The following MTA3 variants were observed in gnomAD, a reference collection of about 807,000 sequenced individuals.
MTA3 encodes metastasis associated 1 family member 3, also known as metastasis-associated protein MTA3.
A neutral mutation model predicts 83.5 loss-of-function variants in MTA3; 34 were observed. The observed-to-expected ratio is 0.41, with a 90% CI of 0.31 to 0.54. The LOEUF (loss-of-function observed/expected upper bound fraction) is 0.54. MTA3 is among the 20% of genes least tolerant of loss of function. MTA3 has a pLI of 0.33. For synonymous variants in MTA3, 303 were observed against 252.7 expected, an observed-to-expected ratio of 1.20 and a Z score of -1.89; for missense variants, 761 against 726.4, an observed-to-expected ratio of 1.05 and a Z score of -0.55.
chr2:42,549,556 TATATAC>T (rs1373204747), intron 2 of MTA3, among the ~76,000 whole-genome samples: 10 of 114,228 alleles, frequency 8.8e-5, no homozygotes, highest in African/African-American at 3.0e-4. Flanking sequence ...TAATATATAT[TATATAC>T]ATATACATAT....
intron 4 of MTA3, among the ~76,000 whole-genome samples, chr2:42,624,280 C>T (rs938169459): frequency 6.6e-6 from 1 of 151,596 alleles, no homozygotes; most frequent in Non-Finnish European, 1.5e-5. Context: ...TATTAATTTT[C>T]ATTTTGTATC....
chr2:42,733,412 C>T (rs1326453622), intron 16 of MTA3, among the ~76,000 whole-genome samples: 1 of 152,176 alleles, frequency 6.6e-6, no homozygotes, highest in Non-Finnish European at 1.5e-5. Flanking sequence ...CTCTGGGTCC[C>T]TACCACAACA....
At chr2:42,496,960 C>G (rs1380034710) in intron 2 of MTA3, among the ~76,000 whole-genome samples, 1 of 152,188 alleles carries the variant, frequency 6.6e-6, no homozygotes, top group Non-Finnish European at 1.5e-5. Flanking sequence ...AATCTCAGCA[C>G]TTTGGAAGGC....
rs192769281 is a variant in MTA3 at position 42,586,923 on chromosome 2, T to G, written c.190+7723T>G. Among the ~76,000 whole-genome samples, 18 of 152,276 alleles carry G rather than the reference T, an allele frequency of 1.2e-4. No homozygotes were observed. In the East Asian group the frequency reaches 3.5e-3, roughly 29 times the overall value. ...CTATAGTCCCAGCTACTCAGGAGGC[T>G]GAGGCAAGAGAATCGCTTGAACCCG... On this transcript the variant is annotated intron_variant, in intron 3 of 16. Coordinates refer to ENST00000405094, the MANE Select transcript of MTA3 (RefSeq NM_001330442.2).
At chr2:42,570,745 TCA>T (rs1678381106) in intron 2 of MTA3, among the ~76,000 whole-genome samples, 1 of 151,952 alleles carries the variant, frequency 6.6e-6, no homozygotes, top group Non-Finnish European at 1.5e-5. Flanking sequence ...GTGCGGTGGC[TCA>T]TGCCTGTAAT....
intron 2 of MTA3, among the ~76,000 whole-genome samples, chr2:42,576,520 C>T (rs1345592048): frequency 1.3e-5 from 2 of 152,162 alleles, no homozygotes; most frequent in African/African-American, 2.4e-5. Flanking sequence ...GTCCCAGCTG[C>T]TCGAGAGGCT....
In MTA3 at chr2:42,552,995, G is replaced by A. The variant is rs141375284; in HGVS notation, c.-140-17442G>A. Among the ~76,000 whole-genome samples the A allele has an allele frequency of 3.7e-3, 568 of 151,842 alleles. 4 individuals carry two copies. Among genetic ancestry groups the A allele is most frequent in the Non-Finnish European group, 4.2e-3 (283 of 67,948 alleles). On this transcript the variant is annotated intron_variant, in intron 2 of 17. Coordinates refer to the MTA3 transcript ENST00000405592. ...AAAATCAAAGAAAGTTCTACTCCGA[G>A]GCTGAGTATGATGGCTCACACCTAT...
chr2:42,728,159 T>A (rs542377898), intron 16 of MTA3, among the ~76,000 whole-genome samples: 114 of 152,338 alleles, frequency 7.5e-4, no homozygotes, highest in South Asian at 4.1e-4. Context: ...TCAATTTTTT[T>A]AAATTTTTAG....
At chr2:42,523,019 A>C (rs898859056) in intron 2 of MTA3, among the ~76,000 whole-genome samples, 1 of 151,714 alleles carries the variant, frequency 6.6e-6, no homozygotes, top group African/African-American at 2.4e-5. Flanking sequence ...TGTGTTGCCC[A>C]GTTTGGTCTT....
chr2:42,609,087 A>C (rs1683862951), intron 3 of MTA3, among the ~76,000 whole-genome samples: 1 of 149,002 alleles, frequency 6.7e-6, no homozygotes, highest in African/African-American at 2.5e-5. Flanking sequence ...GCTGGTGTGA[A>C]GTGTACGATC....
intron 4 of MTA3, among the ~76,000 whole-genome samples, chr2:42,616,212 C>T (rs1684866535): frequency 6.6e-6 from 1 of 152,094 alleles, no homozygotes; most frequent in South Asian, 2.1e-4. Context: ...AGGCATGTGC[C>T]ACCACGCCTG....
intron 9 of MTA3, among the ~76,000 whole-genome samples, chr2:42,683,187 C>G (rs1280127728): frequency 1.3e-5 from 2 of 152,216 alleles, no homozygotes; most frequent in African/African-American, 2.4e-5. Flanking sequence ...AAGTTAAAAT[C>G]TGGTCAGCTT....
At chr2:42,511,304 G>A (rs1453309696) in intron 2 of MTA3, among the ~76,000 whole-genome samples, 4 of 149,110 alleles carry the variant, frequency 2.7e-5, no homozygotes, top group Non-Finnish European at 5.9e-5. Flanking sequence ...CTTAACTGGA[G>A]ATAAAATGAT....
At chr2:42,701,255 T>C (rs2104485547) in intron 11 of MTA3, among the ~76,000 whole-genome samples, 1 of 134,292 alleles carries the variant, frequency 7.4e-6, no homozygotes, top group East Asian at 2.2e-4. Context: ...TGGGCCATGG[T>C]CATGCCACTG....
In MTA3 at chr2:42,753,772, T is replaced by A; in HGVS notation, c.*373T>A. 1 of 1,126,664 alleles carries A rather than the reference T, an allele frequency of 8.9e-7. No individual in the cohort carries two copies. Among genetic ancestry groups the A allele is most frequent in the Non-Finnish European group, 1.1e-6 (1 of 913,692 alleles). The allele number at this position is 1,126,664 out of a possible 1,614,324, so 69.8% of individuals were successfully genotyped here. ...TGCAAGCTCAGAGCCGCTGCCACCC[T>A]GCATGTGTCCGCTCAGCTCGGTCTT... On this transcript the variant is annotated 3_prime_UTR_variant, in exon 17 of 17. Transcript: ENST00000405094.
chr2:42,641,632 G>C (rs1687700694), intron 5 of MTA3, among the ~76,000 whole-genome samples: 1 of 152,094 alleles, frequency 6.6e-6, no homozygotes, highest in Non-Finnish European at 1.5e-5. Flanking sequence ...CGGATCACGA[G>C]GTCAGGAGTT....
At chr2:42,720,951 CAAAAAAAAAAAAAA>C (rs377702701) in intron 15 of MTA3, among the ~76,000 whole-genome samples, 2 of 69,588 alleles carry the variant, frequency 2.9e-5, no homozygotes, top group Non-Finnish European at 5.6e-5. Context: ...GACCCTGTCT[CAAAAAAAAAAAAAA>C]AAAAAAAAAG....
intron 4 of MTA3, among the ~76,000 whole-genome samples, chr2:42,612,722 A>G (rs1422806526): frequency 6.6e-6 from 1 of 152,078 alleles, no homozygotes; most frequent in East Asian, 1.9e-4. Flanking sequence ...TTAGCTGAGC[A>G]TGGTGGCACA....
intron 2 of MTA3, among the ~76,000 whole-genome samples, chr2:42,520,321 A>G (rs1164532080): frequency 2.6e-5 from 4 of 152,086 alleles, no homozygotes; most frequent in African/African-American, 4.8e-5. Context: ...AACATTCCAC[A>G]GGCACCACAA....
Sources: gnomAD v4.1 joint callset for allele counts (sites outside exome capture counted in the v4.1 genomes callset) on GRCh38, gnomAD v4.1.1 for gene constraint, MANE v1.5 for transcripts, NCBI Gene and HGNC (gene_info 2026-07-23, HGNC 2026-07-21) for gene names.